CTNNA3: variants seen among roughly 807,000 people sequenced by gnomAD.
CTNNA3 encodes the protein catenin alpha-3.
In CTNNA3, 76 loss-of-function variants were observed where a neutral mutation model predicts 95.7. The observed-to-expected ratio is 0.79, with a 90% CI of 0.66 to 0.96. The LOEUF (loss-of-function observed/expected upper bound fraction) is 0.96. Among genes scored for constraint, CTNNA3 ranks in the 40% least tolerant of loss-of-function variants. The probability of loss-of-function intolerance (pLI) is 0.00; values close to 1 mark genes in which losing one functional copy is unlikely to be tolerated. For synonymous variants in CTNNA3, 431 were observed against 374.4 expected (o/e 1.15, Z -1.74); for missense variants, 1,191 against 1,089.8 (o/e 1.09, Z -1.31).
intron 15 of CTNNA3, among the ~76,000 whole-genome samples, chr10:65,989,812 GTTCT>G (rs1053763883): frequency 8.6e-5 from 13 of 151,904 alleles, no homozygotes; most frequent in East Asian, 1.9e-4. Flanking sequence ...TATTTGAATT[GTTCT>G]TTCTAACTGT....
chr10:66,520,960 A>G (rs923500718), intron 10 of CTNNA3, among the ~76,000 whole-genome samples, 187 bp from the exon 11 acceptor site: 30 of 151,310 alleles, frequency 2.0e-4, no homozygotes, highest in South Asian at 4.2e-4. Context: ...TAATTAAATT[A>G]TACTCATTCA....
intron 16 of CTNNA3, among the ~76,000 whole-genome samples, chr10:65,983,336 C>T (rs2078362149): frequency 6.6e-6 from 1 of 151,606 alleles, no homozygotes; most frequent in Admixed American, 6.6e-5. Flanking sequence ...TTTATTTTGG[C>T]TCCTATTGTC....
At chr10:67,508,804 C>T (rs1488194850) in intron 5 of CTNNA3, among the ~76,000 whole-genome samples, 2 of 151,016 alleles carry the variant, frequency 1.3e-5, no homozygotes, top group East Asian at 3.9e-4. Context: ...TCATTTAACT[C>T]AAAAGCAAAA....
intron 7 of CTNNA3, among the ~76,000 whole-genome samples, chr10:67,147,018 C>T (rs1289607566): frequency 1.3e-5 from 2 of 152,050 alleles, no homozygotes; most frequent in Non-Finnish European, 2.9e-5. Flanking sequence ...TTGTGTAAGT[C>T]CCCTCTATAA....
chr10:66,497,198 G>A (rs1342033368), intron 11 of CTNNA3, among the ~76,000 whole-genome samples: 2 of 152,000 alleles, frequency 1.3e-5, no homozygotes, highest in Admixed American at 6.6e-5. Flanking sequence ...AAGCGTTCTT[G>A]CCCTCCAAGA....
intron 9 of CTNNA3, among the ~76,000 whole-genome samples, chr10:66,631,759 TAA>T (rs5785770): frequency 6.6e-6 from 1 of 151,530 alleles, no homozygotes; most frequent in Admixed American, 6.6e-5. Context: ...TCTAAATGAA[TAA>T]AAAAAAGCAA....
At chr10:66,265,908 G>A (rs2091136917) in intron 13 of CTNNA3, among the ~76,000 whole-genome samples, 1 of 151,808 alleles carries the variant, frequency 6.6e-6, no homozygotes, top group Admixed American at 6.6e-5. Context: ...AATCTTATCT[G>A]TCTTATCTAT....
chr10:66,692,315 T>C (rs1847579009), intron 9 of CTNNA3, among the ~76,000 whole-genome samples: 1 of 152,136 alleles, frequency 6.6e-6, no homozygotes, highest in African/African-American at 2.4e-5. Flanking sequence ...ACGTGAAGAA[T>C]GCAGAAGCCT....
chr10:66,572,221 A>AG (rs1564541070), intron 10 of CTNNA3, among the ~76,000 whole-genome samples: 21 of 151,958 alleles, frequency 1.4e-4, no homozygotes, highest in African/African-American at 4.8e-4. Flanking sequence ...CGTCTCTACT[A>AG]AAAATACAAA....
chr10:66,058,470 T>A (rs553075465), intron 15 of CTNNA3, among the ~76,000 whole-genome samples: 1 of 152,156 alleles, frequency 6.6e-6, no homozygotes, highest in Non-Finnish European at 1.5e-5. Flanking sequence ...AGGATTCTTT[T>A]TGATGATGAA....
intron 1 of CTNNA3, among the ~76,000 whole-genome samples, chr10:67,702,076 C>T (rs1163792985): frequency 1.3e-5 from 2 of 152,134 alleles, no homozygotes; most frequent in Admixed American, 1.3e-4. Context: ...GAAGAGCTAA[C>T]TATCCTAAAT....
chr10:66,746,860 A>AGTGTGTGTGT (rs57102717), intron 9 of CTNNA3, among the ~76,000 whole-genome samples: 5 of 150,452 alleles, frequency 3.3e-5, no homozygotes, highest in Non-Finnish European at 7.4e-5. Flanking sequence ...AAATGGATGC[A>AGTGTGTGTGT]GTGTGTGTGT....
chr10:66,699,922 G>A (rs564159423), intron 9 of CTNNA3, among the ~76,000 whole-genome samples: 3 of 152,176 alleles, frequency 2.0e-5, no homozygotes, highest in African/African-American at 7.2e-5. Flanking sequence ...CTCCCAAAGT[G>A]CTGGGATTAC....
At chr10:65,931,334 C>T (rs148875080) in intron 17 of CTNNA3, among the ~76,000 whole-genome samples, 176 of 152,276 alleles carry the variant, frequency 1.2e-3, no homozygotes, top group African/African-American at 4.0e-3. Flanking sequence ...TAGCGCCTTG[C>T]CTGCTAGGAA....
intron 5 of CTNNA3, among the ~76,000 whole-genome samples, chr10:67,259,236 T>C (rs1390077762): frequency 6.6e-6 from 1 of 152,170 alleles, no homozygotes; most frequent in Non-Finnish European, 1.5e-5. Context: ...AAACCCATTC[T>C]GCGGAGTGAA....
chr10:66,005,789 T>A (rs1418784533), intron 15 of CTNNA3, among the ~76,000 whole-genome samples: 1 of 152,084 alleles, frequency 6.6e-6, no homozygotes, highest in East Asian at 1.9e-4. Flanking sequence ...ATATACTAAT[T>A]TCCTCTTTGA....
chr10:65,933,071 T>C (rs2077279667), intron 17 of CTNNA3, among the ~76,000 whole-genome samples: 1 of 152,130 alleles, frequency 6.6e-6, no homozygotes, highest in African/African-American at 2.4e-5. Flanking sequence ...CCACTTTAGA[T>C]TCCCTGGGTT....
intron 11 of CTNNA3, among the ~76,000 whole-genome samples, chr10:66,414,407 A>T (rs542136134): frequency 6.6e-6 from 1 of 152,160 alleles, no homozygotes; most frequent in South Asian, 2.1e-4. Context: ...CTGAGAGCCT[A>T]GAGAGACTCC....
chr10:66,863,907 AAT>A (rs1395079555), intron 7 of CTNNA3, among the ~76,000 whole-genome samples: 2 of 152,110 alleles, frequency 1.3e-5, no homozygotes, highest in Non-Finnish European at 2.9e-5. Context: ...CACCTAACAA[AAT>A]ATAGTTTATC....
Sources: allele counts gnomAD v4.1 joint callset (sites outside exome capture counted in the v4.1 genomes callset), GRCh38; gene constraint gnomAD v4.1.1; transcripts MANE v1.5; gene names NCBI Gene and HGNC (gene_info 2026-07-23, HGNC 2026-07-21).